CEP170: variants seen among roughly 807,000 people sequenced by gnomAD.
CEP170 encodes centrosomal protein of 170 kDa.
In CEP170, 21 loss-of-function variants were observed where a neutral mutation model predicts 151.9. The ratio of observed to expected loss-of-function variants is 0.14; its 90% confidence interval spans 0.10 to 0.20. The LOEUF is 0.20. CEP170 is among the 10% of genes least tolerant of loss of function. CEP170 has a pLI of 1.00. For synonymous variants in CEP170, 356 were observed against 648.8 expected (o/e 0.55, Z 6.86); for missense variants, 964 against 1,892.9 (o/e 0.51, Z 9.11).
At chr1:243,227,030 G>C (rs897157174) in intron 1 of CEP170, among the ~76,000 whole-genome samples, 7 of 152,088 alleles carry the variant, frequency 4.6e-5, no homozygotes, top group Non-Finnish European at 1.0e-4. Flanking sequence ...ATTTTGATGG[G>C]ATTTTGTAAC....
At chr1:243,157,476 G>T (rs894625599) in intron 13 of CEP170, among the ~76,000 whole-genome samples, 2 of 152,182 alleles carry the variant, frequency 1.3e-5, no homozygotes, top group Non-Finnish European at 2.9e-5. Context: ...GCACTTAGCT[G>T]AGTGTTGGCT....
rs530100259 is a variant in CEP170 at position 243,142,959 on chromosome 1, C to T, written c.3912-496G>A. Among the ~76,000 whole-genome samples, 10 of 152,186 alleles carry T rather than the reference C, an allele frequency of 6.6e-5. No homozygotes were observed. The East Asian group carries it at 1.3e-3, about 21-fold the overall frequency. Reference sequence around the variant, plus strand: ...AATAGAGATCACATTACAGTTGCTACGGGTATATTTAAACATCATTTATGG... The same window carrying T: ...AATAGAGATCACATTACAGTTGCTATGGGTATATTTAAACATCATTTATGG... On this transcript the variant is annotated intron_variant, in intron 14 of 19. Coordinates refer to ENST00000366542, the MANE Select transcript of CEP170 (RefSeq NM_014812.3).
At chr1:243,135,009 A>G (rs1355468269) in intron 17 of CEP170, among the ~76,000 whole-genome samples, 1 of 152,192 alleles carries the variant, frequency 6.6e-6, no homozygotes, top group African/African-American at 2.4e-5. Context: ...GATATAATAA[A>G]TATTTTTCTG....
intron 17 of CEP170, among the ~76,000 whole-genome samples, chr1:243,132,898 T>G (rs557021848): frequency 1.8e-4 from 28 of 152,260 alleles, no homozygotes; most frequent in African/African-American, 6.7e-4. Flanking sequence ...GTAAGGAGAC[T>G]CCAGGGTTTT....
chr1:243,221,074 G>C (rs903832891), intron 3 of CEP170, among the ~76,000 whole-genome samples: 2 of 152,054 alleles, frequency 1.3e-5, no homozygotes, highest in Admixed American at 1.3e-4. Context: ...GCCCAGGCTG[G>C]AGTGCAGTGG....
At chr1:243,235,451 CTTT>C (rs2064167804) in intron 1 of CEP170, among the ~76,000 whole-genome samples, 1 of 152,040 alleles carries the variant, frequency 6.6e-6, no homozygotes, top group Non-Finnish European at 1.5e-5. Context: ...CACAGCTGTG[CTTT>C]TTTTGGATAC....
intron 4 of CEP170, among the ~76,000 whole-genome samples, chr1:243,210,480 G>C (rs569385336): frequency 1.3e-5 from 2 of 151,454 alleles, no homozygotes; most frequent in African/African-American, 2.4e-5. Context: ...ATATATACAA[G>C]TATTACTATT....
At chr1:243,216,778 T>G (rs936036132) in intron 3 of CEP170, among the ~76,000 whole-genome samples, 1 of 152,132 alleles carries the variant, frequency 6.6e-6, no homozygotes, top group African/African-American at 2.4e-5. Flanking sequence ...CCAACATGTT[T>G]TAAAGAAAGG....
chr1:243,144,824 A>G (rs1420922233), intron 14 of CEP170, among the ~76,000 whole-genome samples: 1 of 152,190 alleles, frequency 6.6e-6, no homozygotes, highest in Non-Finnish European at 1.5e-5. Flanking sequence ...CAAAATATGG[A>G]TAAGAAAATA....
chr1:243,172,116 TA>T, intron 11 of CEP170, among the ~76,000 whole-genome samples: 1 of 152,182 alleles, frequency 6.6e-6, no homozygotes, highest in Non-Finnish European at 1.5e-5. Context: ...TTTTATCTCA[TA>T]ATGCCAATCA....
rs2060003737 is a variant in CEP170 at position 243,187,389 on chromosome 1, A to G, written c.1109-967T>C. Among the ~76,000 whole-genome samples, 2 of 152,246 alleles carry G rather than the reference A, an allele frequency of 1.3e-5. 1 individual carries two copies. Among genetic ancestry groups the G allele is most frequent in the Admixed American group, 1.3e-4 (2 of 15,284 alleles). On this transcript the variant is annotated intron_variant, in intron 8 of 19. Coordinates refer to ENST00000366542, the MANE Select transcript of CEP170 (RefSeq NM_014812.3). ...AAATAATAAGTATATGATAAAAATAATCAAATGATATTGTATTATTATAGC... is the reference window on the plus strand; with the variant it reads ...AAATAATAAGTATATGATAAAAATAGTCAAATGATATTGTATTATTATAGC...
chr1:243,199,751 C>T (rs955673789), intron 6 of CEP170, among the ~76,000 whole-genome samples: 15 of 151,130 alleles, frequency 9.9e-5, no homozygotes, highest in Non-Finnish European at 1.5e-4. Flanking sequence ...TGTAGTAATG[C>T]CTATTCATTT....
chr1:243,204,596 T>TA (rs1466742903), intron 4 of CEP170, among the ~76,000 whole-genome samples: 1 of 152,206 alleles, frequency 6.6e-6, no homozygotes, highest in African/African-American at 2.4e-5. Context: ...AACCATACTA[T>TA]ACTCTGCTTT....
chr1:243,196,920 ATTAGCAT>A (rs1260287207), intron 7 of CEP170, among the ~76,000 whole-genome samples: 1 of 152,140 alleles, frequency 6.6e-6, no homozygotes, highest in Non-Finnish European at 1.5e-5. Context: ...GCAGGCAGGA[ATTAGCAT>A]AATTTATGGG....
At chr1:243,127,489 A>C (rs2053841829) in intron 19 of CEP170, among the ~76,000 whole-genome samples, 2 of 152,202 alleles carry the variant, frequency 1.3e-5, no homozygotes, top group Non-Finnish European at 2.9e-5. Flanking sequence ...GGGACTTTTA[A>C]AAGTATACCC....
intron 10 of CEP170, among the ~76,000 whole-genome samples, chr1:243,178,530 C>A (rs1350576249): frequency 6.6e-6 from 1 of 152,020 alleles, no homozygotes; most frequent in Non-Finnish European, 1.5e-5. Flanking sequence ...TGGGAAGTGA[C>A]TGCTTAATGA....
chr1:243,180,385 A>G (rs2059543755), intron 10 of CEP170, among the ~76,000 whole-genome samples: 1 of 152,248 alleles, frequency 6.6e-6, no homozygotes, highest in Admixed American at 6.5e-5. Context: ...AGGAGGCAGC[A>G]GAGGTTAAGA....
chr1:243,222,629 G>A (rs2062916693), intron 2 of CEP170, among the ~76,000 whole-genome samples: 1 of 152,182 alleles, frequency 6.6e-6, no homozygotes, highest in African/African-American at 2.4e-5. Flanking sequence ...TATACTAAAA[G>A]CAAAGAGAGT....
At chr1:243,161,246 T>C (rs1303077186) in intron 13 of CEP170, among the ~76,000 whole-genome samples, 1 of 147,242 alleles carries the variant, frequency 6.8e-6, no homozygotes, top group Admixed American at 6.9e-5. Context: ...GAGGTTGCAG[T>C]AAGCCGAGAT....
Sources: gnomAD v4.1 joint callset for allele counts (sites outside exome capture counted in the v4.1 genomes callset) on GRCh38, gnomAD v4.1.1 for gene constraint, MANE v1.5 for transcripts, NCBI Gene and HGNC (gene_info 2026-07-23, HGNC 2026-07-21) for gene names.